Variants in EVI5 observed in about 807,000 individuals in gnomAD.
EVI5 encodes the protein ecotropic viral integration site 5.
A neutral mutation model predicts 112.0 loss-of-function variants in EVI5; 73 were observed. That is an observed-to-expected ratio of 0.65 (90% CI 0.54 to 0.79). The LOEUF is 0.79. Ranked by LOEUF, EVI5 falls within the 30% of genes least tolerant of loss-of-function variation. EVI5 has a pLI of 0.00. For missense variants in EVI5, 900 were observed against 968.8 expected (o/e 0.93, Z 0.94); for synonymous variants, 305 against 319.9 (o/e 0.95, Z 0.50).
chr1:92,767,217 G>C (rs1321531463), intron 1 of EVI5, among the ~76,000 whole-genome samples: 1 of 151,986 alleles, frequency 6.6e-6, no homozygotes, highest in East Asian at 1.9e-4. Flanking sequence ...TAGTTACTTA[G>C]TATGCATCTC....
intron 16 of EVI5, among the ~76,000 whole-genome samples, chr1:92,620,116 G>A (rs1345315091): frequency 3.9e-5 from 6 of 152,140 alleles, no homozygotes; most frequent in Admixed American, 2.0e-4. Flanking sequence ...AGGCCGAGAC[G>A]GGCGGATCAC....
chr1:92,537,360 G>A (rs1014270203), intron 19 of EVI5, among the ~76,000 whole-genome samples: 1 of 152,000 alleles, frequency 6.6e-6, no homozygotes, highest in African/African-American at 2.4e-5. Flanking sequence ...GCTAAATGTA[G>A]CATTTCTGTA....
chr1:92,517,028 A>T (rs1420870333), intron 19 of EVI5, among the ~76,000 whole-genome samples: 1 of 152,228 alleles, frequency 6.6e-6, no homozygotes, highest in East Asian at 1.9e-4. Context: ...AGATCCAAGG[A>T]TTTTGAATCC....
chr1:92,735,525 T>C (rs1281533972), intron 2 of EVI5, among the ~76,000 whole-genome samples: 2 of 150,394 alleles, frequency 1.3e-5, no homozygotes, highest in East Asian at 3.9e-4. Flanking sequence ...GTTATGATTT[T>C]AAGCCAGTAG....
At chr1:92,579,636 A>G (rs1671631714) in intron 18 of EVI5, among the ~76,000 whole-genome samples, 1 of 152,166 alleles carries the variant, frequency 6.6e-6, no homozygotes. Context: ...ACTATTTATT[A>G]CTTTTAGCTT....
intron 19 of EVI5, among the ~76,000 whole-genome samples, chr1:92,557,882 G>A (rs1233347684): frequency 1.4e-5 from 2 of 143,604 alleles, no homozygotes; most frequent in Non-Finnish European, 3.0e-5. Context: ...GCACCACCAC[G>A]CCCAGCCAAT....
chr1:92,772,906 T>TAAAAA (rs529315237), intron 1 of EVI5, among the ~76,000 whole-genome samples: 1 of 109,734 alleles, frequency 9.1e-6, no homozygotes, highest in Non-Finnish European at 1.7e-5. Context: ...AACCCCATCT[T>TAAAAA]AAAAAAAAAA....
At chr1:92,740,455 C>A (rs535429806) in intron 1 of EVI5, among the ~76,000 whole-genome samples, 1 of 151,896 alleles carries the variant, frequency 6.6e-6, no homozygotes, top group African/African-American at 2.4e-5. Flanking sequence ...TTTTTCTTTT[C>A]TTTTCTGGTT....
chr1:92,576,831 T>C (rs1671162168), intron 18 of EVI5, among the ~76,000 whole-genome samples: 1 of 152,214 alleles, frequency 6.6e-6, no homozygotes, highest in African/African-American at 2.4e-5. Context: ...GCTGAGCCTC[T>C]TGTCAATCTT....
At chr1:92,630,512 GTTGT>G (rs771476771) in intron 14 of EVI5, among the ~76,000 whole-genome samples, 197 of 152,164 alleles carry the variant, frequency 1.3e-3, no homozygotes, top group Non-Finnish European at 2.2e-3. Context: ...TGTTGATGGG[GTTGT>G]TTGTTTTTTT....
intron 19 of EVI5, among the ~76,000 whole-genome samples, chr1:92,561,903 G>C (rs1376143385): frequency 6.6e-6 from 1 of 152,138 alleles, no homozygotes; most frequent in East Asian, 1.9e-4. Context: ...CTCCCAAAGT[G>C]CTGGGATTAT....
At chr1:92,684,898 C>T (rs906697158) in intron 9 of EVI5, among the ~76,000 whole-genome samples, 1 of 152,108 alleles carries the variant, frequency 6.6e-6, no homozygotes, top group African/African-American at 2.4e-5. Flanking sequence ...CACCCAGATT[C>T]ATAAAGCAAG....
chr1:92,519,717 A>G (rs1037035581), intron 19 of EVI5, among the ~76,000 whole-genome samples: 1 of 151,114 alleles, frequency 6.6e-6, no homozygotes, highest in African/African-American at 2.4e-5. Flanking sequence ...ACATGGGGAA[A>G]CTCCGTCGTC....
chr1:92,593,155 G>A (rs1226374761), intron 18 of EVI5, among the ~76,000 whole-genome samples: 8 of 152,130 alleles, frequency 5.3e-5, no homozygotes, highest in African/African-American at 1.4e-4. Context: ...GATGAACATC[G>A]ATGCAAATAT....
At chr1:92,525,267 CTTTTT>C (rs745392747) in intron 19 of EVI5, among the ~76,000 whole-genome samples, 1 of 104,400 alleles carries the variant, frequency 9.6e-6, no homozygotes, top group Admixed American at 1.3e-4. Context: ...ATGACAATGC[CTTTTT>C]TTTTTTTTTT....
chr1:92,547,002 C>T (rs1056996670), intron 19 of EVI5, among the ~76,000 whole-genome samples: 1 of 152,150 alleles, frequency 6.6e-6, no homozygotes, highest in Admixed American at 6.6e-5. Context: ...GCGAACCTAA[C>T]AGACATCTAC....
chr1:92,628,578 A>G (rs1193540158), intron 14 of EVI5, among the ~76,000 whole-genome samples: 1 of 152,192 alleles, frequency 6.6e-6, no homozygotes, highest in Non-Finnish European at 1.5e-5. Flanking sequence ...CACGGATACA[A>G]GACTTAGATC....
chr1:92,637,833 C>CA (rs35466815), intron 13 of EVI5, among the ~76,000 whole-genome samples: 92,778 of 151,804 alleles, frequency 0.61, 29,197 homozygotes, highest in East Asian at 0.92. Context: ...CCCCAGTTAC[C>CA]AAAAAAAGAT....
chr1:92,717,048 C>T (rs1010445055), intron 2 of EVI5, among the ~76,000 whole-genome samples: 29 of 151,780 alleles, frequency 1.9e-4, no homozygotes, highest in Admixed American at 1.9e-3. Flanking sequence ...AAAGATTAGA[C>T]GAATGGCTAA....
Sources: gnomAD v4.1 joint callset for allele counts (sites outside exome capture counted in the v4.1 genomes callset) on GRCh38, gnomAD v4.1.1 for gene constraint, MANE v1.5 for transcripts, NCBI Gene and HGNC (gene_info 2026-07-23, HGNC 2026-07-21) for gene names.